MELK: variants seen among roughly 807,000 people sequenced by gnomAD.
The protein encoded by MELK is pEg3 kinase.
MELK carries 81 observed loss-of-function variants against 85.0 expected under a neutral mutation model. The ratio of observed to expected loss-of-function variants is 0.95; its 90% CI spans 0.80 to 1.15. The LOEUF is 1.15. Among genes scored for constraint, MELK ranks in the 50% most tolerant of loss-of-function variants. The pLI, the probability that MELK is intolerant of heterozygous loss-of-function variation, is 0.00. For synonymous variants in MELK, 252 were observed against 265.0 expected, an observed-to-expected ratio of 0.95 and a Z score of 0.48; for missense variants, 754 against 777.5, an observed-to-expected ratio of 0.97 and a Z score of 0.36.
chr9:36,574,209 A>G (rs1422302989), intron 1 of MELK, among the ~76,000 whole-genome samples: 2 of 152,052 alleles, frequency 1.3e-5, no homozygotes, highest in African/African-American at 4.8e-5. Flanking sequence ...AATCCCAATG[A>G]GTGCCTCATT....
intron 5 of MELK, among the ~76,000 whole-genome samples, chr9:36,595,426 GC>G (rs1824107083): frequency 6.6e-6 from 1 of 151,720 alleles, no homozygotes; most frequent in Non-Finnish European, 1.5e-5. Context: ...GTGATCCACC[GC>G]GCCCGGCCAG....
At chr9:36,656,506 C>T (rs1049148275) in intron 12 of MELK, among the ~76,000 whole-genome samples, 8 of 152,192 alleles carry the variant, frequency 5.3e-5, no homozygotes, top group Non-Finnish European at 8.8e-5. Flanking sequence ...ATTTTTGTTT[C>T]CAGGGCCTTG....
chr9:36,611,684 A>G (rs1227108969), intron 8 of MELK, among the ~76,000 whole-genome samples: 2 of 151,948 alleles, frequency 1.3e-5, no homozygotes, highest in Non-Finnish European at 2.9e-5. Context: ...AACACGGCAT[A>G]GGGTTGTTGT....
intron 7 of MELK, among the ~76,000 whole-genome samples, chr9:36,606,470 T>TATA (rs1393881034): frequency 7.1e-6 from 1 of 141,030 alleles, no homozygotes; most frequent in Non-Finnish European, 1.5e-5. Flanking sequence ...TAGGTGTGTA[T>TATA]ATATATACAT....
intron 4 of MELK, among the ~76,000 whole-genome samples, chr9:36,591,939 A>T (rs1229746757): frequency 6.6e-6 from 1 of 152,018 alleles, no homozygotes; most frequent in East Asian, 1.9e-4. Context: ...AAAAAAAGGT[A>T]CAGGGAGTAT....
intron 6 of MELK, among the ~76,000 whole-genome samples, chr9:36,598,707 A>G (rs1359204833): frequency 6.6e-6 from 1 of 152,118 alleles, no homozygotes; most frequent in Non-Finnish European, 1.5e-5. Flanking sequence ...CATACTGGAG[A>G]TAAGGTCCAG....
At position 36,581,891 on chromosome 9, in the gene MELK, G is replaced by C; in HGVS notation, c.58+152G>C. The C allele has an allele frequency of 7.3e-6, 4 of 544,406 alleles. No individual in the cohort carries two copies. In the African/African-American group the frequency reaches 7.7e-5, roughly 10 times the overall value. The allele number at this position is 544,406 out of a possible 1,614,324, so 33.7% of individuals were successfully genotyped here. A position where few individuals can be genotyped will look rare whatever the true frequency, so the allele number is the denominator to read the frequency against. On this transcript the variant is annotated intron_variant, in intron 2 of 17. Coordinates refer to ENST00000298048, the MANE Select transcript of MELK (RefSeq NM_014791.4). ...GAAAAAGTGGAGCAAGCAGAGAGGAGAATAGTAGGAGAAGCCCTGTAGGTT... is the reference window on the plus strand; with the variant it reads ...GAAAAAGTGGAGCAAGCAGAGAGGACAATAGTAGGAGAAGCCCTGTAGGTT...
At chr9:36,648,077 G>GCC (rs1830385761) in intron 11 of MELK, among the ~76,000 whole-genome samples, 2 of 152,130 alleles carry the variant, frequency 1.3e-5, no homozygotes, top group Admixed American at 6.5e-5. Flanking sequence ...AGGGCAGATA[G>GCC]CCCCATAGTT....
chr9:36,637,133 G>A (rs1177255598), intron 10 of MELK, among the ~76,000 whole-genome samples: 1 of 151,778 alleles, frequency 6.6e-6, no homozygotes, highest in African/African-American at 2.4e-5. Context: ...CACCCGGCCA[G>A]CAACTAGATT....
intron 8 of MELK, among the ~76,000 whole-genome samples, chr9:36,624,638 G>A (rs548963035): frequency 3.9e-5 from 6 of 152,254 alleles, no homozygotes; most frequent in African/African-American, 1.4e-4. Context: ...TTGATAAAAA[G>A]GGGTGATAAA....
chr9:36,585,418 T>A (rs1396447613), intron 3 of MELK, among the ~76,000 whole-genome samples: 1 of 149,332 alleles, frequency 6.7e-6, no homozygotes, highest in African/African-American at 2.5e-5. Context: ...ATGATTCTCC[T>A]GCCTCAGCCA....
At chr9:36,587,088 G>A (rs1822991793) in intron 3 of MELK, among the ~76,000 whole-genome samples, 1 of 151,866 alleles carries the variant, frequency 6.6e-6, no homozygotes, top group Non-Finnish European at 1.5e-5. Flanking sequence ...TGACCTCTTG[G>A]TCCGTCTGCC....
intron 6 of MELK, among the ~76,000 whole-genome samples, chr9:36,598,131 T>C (rs1468673366): frequency 6.6e-6 from 1 of 152,068 alleles, no homozygotes; most frequent in Non-Finnish European, 1.5e-5. Context: ...TTCCCTTGGC[T>C]CTTTAGAAAC....
intron 7 of MELK, among the ~76,000 whole-genome samples, chr9:36,606,467 GTA>G (rs200382959): frequency 6.8e-4 from 66 of 97,072 alleles, no homozygotes; most frequent in South Asian, 1.5e-3. Flanking sequence ...GTATAGGTGT[GTA>G]TATATATACA....
At chr9:36,613,874 G>T (rs139039757) in intron 8 of MELK, among the ~76,000 whole-genome samples, 225 of 152,188 alleles carry the variant, frequency 1.5e-3, no homozygotes, top group African/African-American at 5.2e-3. Flanking sequence ...GGCTGGGTAG[G>T]CTCTCATAAG....
chr9:36,590,845 G>A (rs1169075133), intron 4 of MELK, among the ~76,000 whole-genome samples: 3 of 152,130 alleles, frequency 2.0e-5, no homozygotes. Flanking sequence ...GGAGGCTGAG[G>A]CGGGAGGATC....
rs561167829 is a variant in MELK at position 36,665,077 on chromosome 9, T to G, written c.1177-273T>G. Among the ~76,000 whole-genome samples the G allele has an allele frequency of 3.3e-5, 5 of 152,350 alleles. No individual in the cohort carries two copies. The South Asian group carries it at 1.0e-3, about 32-fold the overall frequency. ...TGGAAAGCATTTCTTAGTGATTGAT[T>G]TGTGGCCATTCACAATATTGCCTAG... On this transcript the variant is annotated intron_variant, in intron 13 of 17. Coordinates refer to ENST00000298048, the MANE Select transcript of MELK (RefSeq NM_014791.4).
At position 36,594,545 on chromosome 9, in the gene MELK, G is replaced by A. The variant is rs1017102743; in HGVS notation, c.262-83G>A. The A allele has an allele frequency of 2.7e-6, 4 of 1,483,250 alleles. No individual in the cohort carries two copies. In the African/African-American group the frequency reaches 4.2e-5, roughly 16 times the overall value. 91.9% of individuals were successfully genotyped at this position (1,483,250 alleles called of 1,614,324 possible). On this transcript the variant is annotated intron_variant, in intron 4 of 17. Transcript: ENST00000298048. ...AAAGTCGAATTAATAATATCTCTGA[G>A]TTAAGTGTACTTTTTTATTTTAAAT...
chr9:36,599,300 CAAAAAAAAA>C (rs34715003), intron 6 of MELK, 85 bp from the exon 7 acceptor site: 5,028 of 378,588 alleles, frequency 0.013, no homozygotes, highest in Middle Eastern at 0.03. Flanking sequence ...GACTCCGTCT[CAAAAAAAAA>C]AAAAAAAAAA....
Sources: gnomAD v4.1 joint callset for allele counts (sites outside exome capture counted in the v4.1 genomes callset) on GRCh38, gnomAD v4.1.1 for gene constraint, MANE v1.5 for transcripts, NCBI Gene and HGNC (gene_info 2026-07-23, HGNC 2026-07-21) for gene names.